The following ALDH2 variants were observed in gnomAD, a reference collection of about 807,000 sequenced individuals.
ALDH2 encodes aldehyde dehydrogenase, mitochondrial.
In ALDH2, 44 loss-of-function variants were observed where a neutral mutation model predicts 59.6. The ratio of observed to expected loss-of-function variants is 0.74; its 90% CI spans 0.58 to 0.95. ALDH2 has a LOEUF of 0.95. Among genes scored for constraint, ALDH2 ranks in the 40% least tolerant of loss-of-function variants. ALDH2 has a pLI of 0.00. For missense variants in ALDH2, 570 were observed against 696.3 expected, an observed-to-expected ratio of 0.82 and a Z score of 2.04; for synonymous variants, 291 against 284.0, an observed-to-expected ratio of 1.02 and a Z score of -0.25.
chr12:111,776,456 G>A (rs901732963), intron 1 of ALDH2, among the ~76,000 whole-genome samples: 1 of 152,026 alleles, frequency 6.6e-6, no homozygotes, highest in African/African-American at 2.4e-5. Context: ...ATCTGTGAGG[G>A]ATGGAGTCAG....
chr12:111,777,903 G>A (rs527735302), intron 1 of ALDH2, among the ~76,000 whole-genome samples: 2 of 152,258 alleles, frequency 1.3e-5, no homozygotes, highest in African/African-American at 4.8e-5. Context: ...ACACAAGCAC[G>A]CCTCCAGAAC....
intron 12 of ALDH2, among the ~76,000 whole-genome samples, chr12:111,806,235 TGAAC>T (rs1768850287): frequency 6.6e-6 from 1 of 150,624 alleles, no homozygotes; most frequent in South Asian, 2.1e-4. Context: ...AAGAATGGCG[TGAAC>T]CCAGTGGGTG....
chr12:111,780,379 C>T (rs2068263179), intron 1 of ALDH2, among the ~76,000 whole-genome samples: 1 of 152,186 alleles, frequency 6.6e-6, no homozygotes, highest in Non-Finnish European at 1.5e-5. Flanking sequence ...CGCCCTCCTC[C>T]CTGACCCCGT....
chr12:111,779,834 C>T (rs1299851396), intron 1 of ALDH2, among the ~76,000 whole-genome samples: 1 of 152,240 alleles, frequency 6.6e-6, no homozygotes, highest in Middle Eastern at 3.2e-3. Flanking sequence ...CTGCACTCCC[C>T]AAGACCATCG....
intron 1 of ALDH2, among the ~76,000 whole-genome samples, chr12:111,776,413 A>T (rs1030617784): frequency 6.6e-6 from 1 of 152,122 alleles, no homozygotes; most frequent in African/African-American, 2.4e-5. Context: ...TCGATGAGGC[A>T]TCTGGGAAGT....
intron 9 of ALDH2, among the ~76,000 whole-genome samples, chr12:111,795,370 C>T (rs138843737): frequency 6.6e-6 from 1 of 151,910 alleles, no homozygotes; most frequent in East Asian, 1.9e-4. Context: ...GCAACCTCCA[C>T]CTCCTAGGTT....
intron 4 of ALDH2, among the ~76,000 whole-genome samples, chr12:111,787,283 G>A (rs1204423908): frequency 6.6e-6 from 1 of 152,036 alleles, no homozygotes; most frequent in African/African-American, 2.4e-5. Flanking sequence ...AATGCAAAAG[G>A]CCATTGAGTC....
At chr12:111,780,097 T>C (rs2136011945) in intron 1 of ALDH2, among the ~76,000 whole-genome samples, 1 of 152,272 alleles carries the variant, frequency 6.6e-6, no homozygotes, top group East Asian at 1.9e-4. Flanking sequence ...TTCACCGTGT[T>C]GGCCAGACTG....
At chr12:111,785,149 A>G in intron 3 of ALDH2, 118 bp from the exon 4 acceptor site, 1 of 795,996 alleles carries the variant, frequency 1.3e-6, no homozygotes, top group South Asian at 1.4e-5. Flanking sequence ...CACAAAGCGG[A>G]CTCTCACCCT....
At chr12:111,790,232 C>T (rs1000623830) in intron 5 of ALDH2, among the ~76,000 whole-genome samples, 3 of 152,116 alleles carry the variant, frequency 2.0e-5, no homozygotes, top group Non-Finnish European at 2.9e-5. Flanking sequence ...CATAAAAGCA[C>T]GGATAAATGT....
chr12:111,767,270 C>A (rs1409027485), intron 1 of ALDH2, among the ~76,000 whole-genome samples, 174 bp downstream of exon 1: 1 of 152,146 alleles, frequency 6.6e-6, no homozygotes, highest in African/African-American at 2.4e-5. Context: ...ATTTTAGCCC[C>A]TTCGCCGCCT....
In ALDH2 at chr12:111,813,256, C is replaced by T. The variant is rs929114964; in HGVS notation, c.*3681C>T. On this transcript the variant is annotated 3_prime_UTR_variant, in exon 13 of 13. Coordinates refer to ENST00000261733, the MANE Select transcript of ALDH2 (RefSeq NM_000690.4). The stretch of plus-strand genomic sequence containing the variant: ...GGTAGAGCCTCCACTTGTGGCTGCA[C>T]AGAGGGCACAGAGAGCTTTTCCTTC... 1.3e-5 allele frequency: 2 copies of T among 152,180 alleles called. No individual in the cohort carries two copies. Among genetic ancestry groups the T allele is most frequent in the African/African-American group, 4.8e-5 (2 of 41,438 alleles). The allele number at this position is 152,180 out of a possible 1,614,324, so 9.4% of individuals were successfully genotyped here.
chr12:111,790,416 T>C lies in ALDH2; in HGVS notation c.553-18T>C. 6.2e-7 allele frequency: 1 copy of C among 1,614,130 alleles called. No individual in the cohort carries two copies. The highest frequency in any genetic ancestry group is 8.5e-7 in the Non-Finnish European group (1 of 1,180,030). ...CTGAGGAAGCTTGGATTTCGAGGGC[T>C]GCTGTTGTTTGTTGCAGTGGAATTT... On this transcript the variant is annotated intron_variant, in intron 5 of 12. Coordinates refer to ENST00000261733, the MANE Select transcript of ALDH2 (RefSeq NM_000690.4).
At chr12:111,808,343 C>T (rs1233002547) in intron 12 of ALDH2, among the ~76,000 whole-genome samples, 2 of 152,108 alleles carry the variant, frequency 1.3e-5, no homozygotes, top group Non-Finnish European at 2.9e-5. Context: ...GATTGCACAA[C>T]TTAAAATATT....
chr12:111,777,610 G>A (rs560695779), intron 1 of ALDH2, among the ~76,000 whole-genome samples: 22 of 152,218 alleles, frequency 1.4e-4, no homozygotes, highest in African/African-American at 4.3e-4. Context: ...CCCCACGCCC[G>A]TGAGCCCCCA....
chr12:111,775,926 C>T (rs1339859263), intron 1 of ALDH2, among the ~76,000 whole-genome samples: 2 of 152,190 alleles, frequency 1.3e-5, no homozygotes, highest in East Asian at 3.9e-4. Flanking sequence ...AAATGTAAAC[C>T]GGAGGAGGTT....
chr12:111,800,041 G>A lies in ALDH2; in HGVS notation c.1384G>A (p.Ala462Thr), dbSNP rs765981127. ...DLDKANYLSQ[A>T]LQAGTVWVNC... Reference sequence around the variant, plus strand: ...GGACAAGGCCAATTACCTGTCCCAGGCCCTCCAGGCGGGCACTGTGTGGTA... The same window carrying A: ...GGACAAGGCCAATTACCTGTCCCAGACCCTCCAGGCGGGCACTGTGTGGTA... Residue 462 changes from alanine to threonine, a missense_variant, in exon 11 of 13, where the codon GCC (alanine) becomes ACC (threonine). By Grantham distance (58) the Ala-to-Thr change is moderately conservative (BLOSUM62 0). Transcript: ENST00000261733. The A allele has an allele frequency of 6.2e-7, 1 of 1,613,046 alleles. No homozygotes were observed. The highest frequency in any genetic ancestry group is 8.5e-7 in the Non-Finnish European group (1 of 1,179,822).
chr12:111,796,657 C>G (rs907644893), intron 9 of ALDH2, among the ~76,000 whole-genome samples: 2 of 152,078 alleles, frequency 1.3e-5, no homozygotes, highest in African/African-American at 4.8e-5. Context: ...AGTCCTAACA[C>G]TTGGGAGGGA....
chr12:111,794,104 T>C (rs2068383429), intron 9 of ALDH2, among the ~76,000 whole-genome samples: 1 of 149,570 alleles, frequency 6.7e-6, no homozygotes, highest in Non-Finnish European at 1.5e-5. Context: ...CTGCAACCTG[T>C]ACCTCCTGGG....
Sources: allele counts gnomAD v4.1 joint callset (sites outside exome capture counted in the v4.1 genomes callset), GRCh38; gene constraint gnomAD v4.1.1; transcripts MANE v1.5; gene names NCBI Gene and HGNC (gene_info 2026-07-23, HGNC 2026-07-21).